The following SNCAIP variants were observed in gnomAD, a reference collection of about 807,000 sequenced individuals.
SNCAIP encodes the protein synphilin-1.
A neutral mutation model predicts 86.7 loss-of-function variants in SNCAIP; 43 were observed. The observed-to-expected ratio is 0.50, with a 90% CI of 0.39 to 0.64. The LOEUF (loss-of-function observed/expected upper bound fraction) is 0.64. Ranked by LOEUF, SNCAIP falls within the 30% of genes least tolerant of loss-of-function variation. The probability of loss-of-function intolerance (pLI) is 0.00; values close to 1 mark genes in which losing one functional copy is unlikely to be tolerated. For missense variants in SNCAIP, 981 were observed against 1,103.1 expected (o/e 0.89, Z 1.57); for synonymous variants, 417 against 427.2 (o/e 0.98, Z 0.29).
At chr5:122,314,642 G>A (rs1751327936) in intron 1 of SNCAIP, among the ~76,000 whole-genome samples, 1 of 152,132 alleles carries the variant, frequency 6.6e-6, no homozygotes, top group African/African-American at 2.4e-5. Context: ...TATGGAAAAT[G>A]AATCAAAAAC....
chr5:122,324,721 T>A (rs1375287568), intron 1 of SNCAIP, among the ~76,000 whole-genome samples: 1 of 152,268 alleles, frequency 6.6e-6, no homozygotes, highest in Non-Finnish European at 1.5e-5. Context: ...AAGGTTTCAC[T>A]GCTCAGCCAC....
intron 1 of SNCAIP, among the ~76,000 whole-genome samples, chr5:122,380,553 T>C (rs1048415670): frequency 1.3e-5 from 2 of 150,256 alleles, no homozygotes; most frequent in Admixed American, 6.6e-5. Flanking sequence ...AGTTCTGCTC[T>C]GATTTTAGTT....
chr5:122,341,082 T>A (rs755233138), intron 1 of SNCAIP, among the ~76,000 whole-genome samples: 10 of 152,158 alleles, frequency 6.6e-5, no homozygotes, highest in Admixed American at 6.5e-4. Context: ...TACTTTGCCG[T>A]GAGGAAGGAC....
chr5:122,320,403 G>A (rs1237503327), intron 1 of SNCAIP, among the ~76,000 whole-genome samples: 5 of 152,138 alleles, frequency 3.3e-5, no homozygotes, highest in African/African-American at 1.2e-4. Context: ...TCTAAGTTGC[G>A]GTCACAGCAG....
intron 10 of SNCAIP, among the ~76,000 whole-genome samples, chr5:122,461,666 G>C (rs1399929817): frequency 1.5e-5 from 2 of 134,764 alleles, no homozygotes; most frequent in Admixed American, 7.5e-5. Flanking sequence ...CTTTTTTATA[G>C]CTGTTTTTTT....
chr5:122,346,282 T>C (rs1412150975), intron 1 of SNCAIP, among the ~76,000 whole-genome samples: 1 of 152,168 alleles, frequency 6.6e-6, no homozygotes, highest in East Asian at 1.9e-4. Context: ...ATTATGCTCA[T>C]GGAGACCCAA....
intron 1 of SNCAIP, among the ~76,000 whole-genome samples, chr5:122,385,204 C>G (rs1767851615): frequency 6.6e-6 from 1 of 152,188 alleles, no homozygotes; most frequent in Non-Finnish European, 1.5e-5. Context: ...TTTGTCTCCC[C>G]TGGTACCATA....
At chr5:122,456,349 C>T (rs1353164461) in intron 10 of SNCAIP, among the ~76,000 whole-genome samples, 8 of 152,316 alleles carry the variant, frequency 5.3e-5, no homozygotes, top group African/African-American at 1.7e-4. Flanking sequence ...AGAGACTGGT[C>T]TGCTTCGCCA....
At position 122,330,381 on chromosome 5, in the gene SNCAIP, A is replaced by G. The variant is rs571644473; in HGVS notation, c.-47+18097A>G. Among the ~76,000 whole-genome samples the G allele has an allele frequency of 2.3e-3, 354 of 152,172 alleles. 4 individuals carry two copies. Among genetic ancestry groups the G allele is most frequent in the African/African-American group, 8.1e-3 (337 of 41,498 alleles). On this transcript the variant is annotated intron_variant, in intron 1 of 10. Transcript: ENST00000261368. ...CGTGATCCGCCTGCCTCGGCCTCCC[A>G]AAGTGCTGGGATTACAGGCGTGAGC...
At chr5:122,409,399 A>C (rs1773668838) in intron 3 of SNCAIP, among the ~76,000 whole-genome samples, 1 of 152,216 alleles carries the variant, frequency 6.6e-6, no homozygotes, top group Non-Finnish European at 1.5e-5. Context: ...CTCATTGTAT[A>C]ATTTTCTTAT....
intron 1 of SNCAIP, among the ~76,000 whole-genome samples, chr5:122,333,860 C>T (rs566765664): frequency 3.7e-4 from 57 of 152,114 alleles, no homozygotes; most frequent in Non-Finnish European, 6.8e-4. Context: ...TTACCTTTTA[C>T]GTGTTAACAT....
At chr5:122,418,313 T>G (rs1775706607) in intron 3 of SNCAIP, among the ~76,000 whole-genome samples, 1 of 152,238 alleles carries the variant, frequency 6.6e-6, no homozygotes, top group Non-Finnish European at 1.5e-5. Flanking sequence ...AATTTAAGTA[T>G]CATTTCCACA....
chr5:122,405,258 G>A (rs1009034671), intron 3 of SNCAIP, among the ~76,000 whole-genome samples: 5 of 152,198 alleles, frequency 3.3e-5, no homozygotes, highest in African/African-American at 1.2e-4. Flanking sequence ...GAGAAGATAC[G>A]TGTACTAATG....
At chr5:122,335,551 T>C (rs1756269827) in intron 1 of SNCAIP, among the ~76,000 whole-genome samples, 1 of 152,230 alleles carries the variant, frequency 6.6e-6, no homozygotes, top group Non-Finnish European at 1.5e-5. Flanking sequence ...CTCTGCACTT[T>C]AACTGTTGTA....
At chr5:122,411,536 C>T (rs1034284902) in intron 3 of SNCAIP, among the ~76,000 whole-genome samples, 9 of 151,886 alleles carry the variant, frequency 5.9e-5, no homozygotes, top group African/African-American at 2.2e-4. Flanking sequence ...CCTTTTTATC[C>T]ACATATCTCC....
At chr5:122,416,855 G>C (rs1057052261) in intron 3 of SNCAIP, among the ~76,000 whole-genome samples, 1 of 152,154 alleles carries the variant, frequency 6.6e-6, no homozygotes, top group African/African-American at 2.4e-5. Flanking sequence ...AACTTCAAAA[G>C]TATGTCCTTG....
chr5:122,379,839 C>T (rs1034948112), intron 1 of SNCAIP, among the ~76,000 whole-genome samples: 1 of 150,710 alleles, frequency 6.6e-6, no homozygotes, highest in Admixed American at 6.6e-5. Flanking sequence ...TGCTGGATTA[C>T]ATTTATTGAT....
Position 122,450,970 on chromosome 5 carries a change from TAG to T in SNCAIP, c.2128_2129del (p.Ser710TyrfsTer12), listed in dbSNP as rs1229743827. Reference sequence around the variant, plus strand: ...AGGCCGCAGCCCATTGTAGAAAGCGTAGAGAGTATGGACAGCGCAGAAAGCCT... The same window carrying T: ...AGGCCGCAGCCCATTGTAGAAAGCGTAGAGTATGGACAGCGCAGAAAGCCT... On this transcript the variant is annotated frameshift_variant, in exon 10 of 11. Transcript: ENST00000261368. LOFTEE classifies it high-confidence loss of function. The T allele has an allele frequency of 6.2e-7, 1 of 1,613,964 alleles. No homozygotes were observed. Among genetic ancestry groups the T allele is most frequent in the Admixed American group, 1.7e-5 (1 of 60,006 alleles).
chr5:122,340,979 G>A (rs1044508633), intron 1 of SNCAIP, among the ~76,000 whole-genome samples: 5 of 152,142 alleles, frequency 3.3e-5, no homozygotes, highest in Non-Finnish European at 5.9e-5. Flanking sequence ...TTCATAAATT[G>A]AATCAAGTGA....
Sources: gnomAD v4.1 joint callset for allele counts (sites outside exome capture counted in the v4.1 genomes callset) on GRCh38, gnomAD v4.1.1 for gene constraint, MANE v1.5 for transcripts, NCBI Gene and HGNC (gene_info 2026-07-23, HGNC 2026-07-21) for gene names.